Variants in GALNT9 observed in about 807,000 individuals in gnomAD.
GALNT9 encodes GalNAc transferase 9.
GALNT9 carries 47 observed loss-of-function variants against 63.1 expected under a neutral mutation model. The ratio of observed to expected loss-of-function variants is 0.75; its 90% CI spans 0.59 to 0.95. The LOEUF is 0.95. GALNT9 is among the 40% of genes least tolerant of loss of function. The pLI is 0.00. For missense variants in GALNT9, 829 were observed against 874.8 expected, an observed-to-expected ratio of 0.95 and a Z score of 0.66; for synonymous variants, 396 against 365.7, an observed-to-expected ratio of 1.08 and a Z score of -0.94.
chr12:132,220,855 G>C (rs112731492), intron 6 of GALNT9, among the ~76,000 whole-genome samples: 1 of 151,956 alleles, frequency 6.6e-6, no homozygotes, highest in African/African-American at 2.4e-5. Context: ...TGAGGAGTTC[G>C]AGACCAGCCT....
intron 6 of GALNT9, among the ~76,000 whole-genome samples, chr12:132,235,108 GC>G (rs2135527546): frequency 2.1e-5 from 2 of 96,214 alleles, no homozygotes; most frequent in African/African-American, 5.3e-5. Flanking sequence ...ACACTCGATG[GC>G]GTGAGAGAGG....
At chr12:132,328,708 G>A (rs1346838582) in intron 1 of GALNT9, among the ~76,000 whole-genome samples, 9 of 152,240 alleles carry the variant, frequency 5.9e-5, no homozygotes, top group African/African-American at 2.2e-4. Flanking sequence ...CCCTCGGAGA[G>A]CAAGTTTGCG....
At position 132,201,240 on chromosome 12, in the gene GALNT9, C is replaced by G. The variant is rs2135500911; in HGVS notation, c.1285G>C (p.Asp429His). The change falls in exon 8 of 11, where the codon GAC (aspartate) becomes CAC (histidine). Residue 429 changes from aspartate to histidine, a missense_variant. Physicochemically the swap from Asp to His is moderately conservative, Grantham distance 81. Transcript: ENST00000328957. ...CGCAGGGCCAGCCTCTCAGACACGT[C>G]CCCGAAGTCCACCCCTGGGTTCTGC... is the stretch of plus-strand genomic sequence containing the variant. ...PMSNPGVDFG[D>H]VSERLALRQR... 1 of 1,613,352 alleles carries G rather than the reference C, an allele frequency of 6.2e-7. No homozygotes were observed. The highest frequency in any genetic ancestry group is 8.5e-7 in the Non-Finnish European group (1 of 1,179,414).
rs1410129419 is a variant in GALNT9 at position 132,286,667 on chromosome 12, G to A, written c.239-237C>T. 2.0e-5 allele frequency among the ~76,000 whole-genome samples: 3 copies of A among 152,202 alleles called. No individual in the cohort carries two copies. The highest frequency in any genetic ancestry group is 1.9e-4 in the East Asian group (1 of 5,192). On this transcript the variant is annotated intron_variant, in intron 1 of 10. Coordinates refer to ENST00000328957, the MANE Select transcript of GALNT9 (RefSeq NM_001122636.2). The surrounding 1 kb of genome is among the most constrained non-coding windows in gnomAD (Gnocchi z 7.4). ...GGGATGAATGGGTGGTACATGAGGC[G>A]TTGAAGGCAGTGGACTCTGTGTGAT... is the stretch of plus-strand genomic sequence containing the variant.
At chr12:132,204,138 AACAC>A (rs1199458754) in intron 6 of GALNT9, among the ~76,000 whole-genome samples, 1 of 142,302 alleles carries the variant, frequency 7.0e-6, no homozygotes, top group African/African-American at 2.6e-5. Context: ...GCATCCCCAG[AACAC>A]ACACAATCAA....
rs1162828651 is a variant in GALNT9, at chr12:132,203,643, C to T, written c.1125G>A (p.Val375=). The part of the protein sequence containing the change: ...GSMEVLPCSR[V]AHIERTRKPY... ...GCTTCCTGGTGCGCTCGATGTGGGC[C>T]ACGCGGGAGCAGGGCAGCACCTCCA... is the stretch of plus-strand genomic sequence containing the variant. The change falls in exon 7 of 11, where the codon GTG becomes GTA. Residue 375 remains valine (V), a synonymous_variant. Coordinates refer to ENST00000328957, the MANE Select transcript of GALNT9 (RefSeq NM_001122636.2). 5.0e-6 allele frequency: 8 copies of T among 1,613,682 alleles called. No individual in the cohort carries two copies. The Admixed American group carries it at 1.2e-4, about 24-fold the overall frequency.
At chr12:132,234,676 G>A (rs1397741283) in intron 6 of GALNT9, among the ~76,000 whole-genome samples, 2 of 22,342 alleles carry the variant, frequency 9.0e-5, no homozygotes, top group South Asian at 2.8e-3. Flanking sequence ...ACACTCGATG[G>A]CGTGAGAGAG....
chr12:132,226,388 C>A lies in GALNT9; in HGVS notation c.1077+21522G>T, dbSNP rs1429108250. ...ATCCCACACACTGTACATACACATCCCACACACATACACCTCATATACCCC... is the reference window on the plus strand; with the variant it reads ...ATCCCACACACTGTACATACACATCACACACACATACACCTCATATACCCC... On this transcript the variant is annotated intron_variant, in intron 6 of 10. Coordinates refer to ENST00000328957, the MANE Select transcript of GALNT9 (RefSeq NM_001122636.2). Among the ~76,000 whole-genome samples the A allele has an allele frequency of 2.0e-5, 3 of 149,658 alleles. No individual in the cohort carries two copies. In the South Asian group the frequency reaches 6.4e-4, roughly 32 times the overall value.
intron 1 of GALNT9, among the ~76,000 whole-genome samples, chr12:132,328,464 G>T (rs571948120): frequency 6.6e-6 from 1 of 152,230 alleles, no homozygotes; most frequent in Non-Finnish European, 1.5e-5. Context: ...TAGCCCAGTG[G>T]TCGAAGCATT....
intron 1 of GALNT9, among the ~76,000 whole-genome samples, chr12:132,308,388 C>T (rs1262678417): frequency 1.3e-5 from 2 of 152,252 alleles, no homozygotes; most frequent in African/African-American, 2.4e-5. Flanking sequence ...GTGCAGCAAG[C>T]AGACCCCGAA....
chr12:132,218,601 C>T (rs568130062), intron 6 of GALNT9, among the ~76,000 whole-genome samples: 3 of 152,346 alleles, frequency 2.0e-5, no homozygotes, highest in African/African-American at 7.2e-5. Context: ...GGTGACGCCA[C>T]CCTCTTGTCA....
intron 6 of GALNT9, among the ~76,000 whole-genome samples, chr12:132,230,198 G>A (rs1470595760): frequency 2.6e-5 from 4 of 152,140 alleles, no homozygotes; most frequent in South Asian, 2.1e-4. Flanking sequence ...TGAACCCTCC[G>A]GAGTCCACGC....
At chr12:132,204,282 A>G (rs923872867) in intron 6 of GALNT9, among the ~76,000 whole-genome samples, 3 of 152,160 alleles carry the variant, frequency 2.0e-5, no homozygotes, top group African/African-American at 7.2e-5. Flanking sequence ...CACTTAAGCA[A>G]TACCAGCCTT....
intron 1 of GALNT9, among the ~76,000 whole-genome samples, chr12:132,303,098 C>T (rs1881369672): frequency 6.6e-6 from 1 of 152,058 alleles, no homozygotes; most frequent in Non-Finnish European, 1.5e-5. Flanking sequence ...GGGAAAGCCT[C>T]CCTGTGTATT....
intron 1 of GALNT9, among the ~76,000 whole-genome samples, chr12:132,291,183 A>G (rs1363516895): frequency 2.4e-5 from 1 of 41,626 alleles, no homozygotes; most frequent in Non-Finnish European, 4.1e-5. Context: ...CAACCACAGC[A>G]CCCACAACCA....
chr12:132,215,763 G>A (rs1282775470), intron 6 of GALNT9, among the ~76,000 whole-genome samples: 1 of 152,192 alleles, frequency 6.6e-6, no homozygotes, highest in Non-Finnish European at 1.5e-5. Context: ...GCATGGGCGG[G>A]GGGCAGCCTC....
intron 5 of GALNT9, among the ~76,000 whole-genome samples, chr12:132,255,966 G>A (rs1879094149): frequency 6.6e-6 from 1 of 152,072 alleles, no homozygotes. Context: ...GCGAACTCCT[G>A]AGTTTACGCA....
In GALNT9 at chr12:132,236,722, C is replaced by T. The variant is rs2136894962; in HGVS notation, c.1077+11188G>A. On this transcript the variant is annotated intron_variant, in intron 6 of 10. Transcript: ENST00000328957. The surrounding 1 kb of genome is among the most constrained non-coding windows in gnomAD (Gnocchi z 5.6). ...GGTTTCGGGGCATCAAGCCTGGCCT[C>T]GGCCAGCCACGCCTCCTGGGGGTCT... Among the ~76,000 whole-genome samples, 1,672 of 152,318 alleles carry T rather than the reference C, an allele frequency of 0.011. 28 individuals are homozygous for T. Among genetic ancestry groups the T allele is most frequent in the African/African-American group, 0.038 (1,559 of 41,556 alleles).
chr12:132,252,048 G>T lies in GALNT9; in HGVS notation c.960-4021C>A, dbSNP rs557932321. Among the ~76,000 whole-genome samples the T allele has an allele frequency of 6.6e-6, 1 of 152,240 alleles. No individual in the cohort carries two copies. Among genetic ancestry groups the T allele is most frequent in the African/African-American group, 2.4e-5 (1 of 41,460 alleles). On this transcript the variant is annotated intron_variant, in intron 5 of 10. Coordinates refer to ENST00000328957, the MANE Select transcript of GALNT9 (RefSeq NM_001122636.2). The surrounding 1 kb of genome is among the most constrained non-coding windows in gnomAD (Gnocchi z 5.2). ...TTAACTGGGATCCCAGGAATCCTCC[G>T]TGATGAGGATGGTCCCCAGCGTCTG...
Sources: allele counts gnomAD v4.1 joint callset (sites outside exome capture counted in the v4.1 genomes callset), GRCh38; gene constraint gnomAD v4.1.1; non-coding constraint Gnocchi (gnomAD v3.1); transcripts MANE v1.5; gene names NCBI Gene and HGNC (gene_info 2026-07-23, HGNC 2026-07-21).